BIRC6: variants seen among roughly 807,000 people sequenced by gnomAD.
The protein encoded by BIRC6 is baculoviral IAP repeat containing 6.
A neutral mutation model predicts 503.3 loss-of-function variants in BIRC6; 98 were observed. The observed-to-expected ratio is 0.19, with a 90% CI of 0.17 to 0.23. BIRC6 has a LOEUF of 0.23. Ranked by LOEUF, BIRC6 falls within the 10% of genes least tolerant of loss-of-function variation. The pLI is 1.00. For synonymous variants in BIRC6, 2,240 were observed against 2,078.7 expected (o/e 1.08, Z -2.11); for missense variants, 5,360 against 5,806.0 (o/e 0.92, Z 2.50).
chr2:32,593,786 G>T, intron 66 of BIRC6, 129 bp from the exon 67 acceptor site: 2 of 761,832 alleles, frequency 2.6e-6, no homozygotes, highest in East Asian at 2.9e-5. Context: ...GGCTTCAAAA[G>T]CAAGTTAATA....
chr2:32,559,372 G>T (rs1453306849), intron 65 of BIRC6, among the ~76,000 whole-genome samples: 1 of 152,208 alleles, frequency 6.6e-6, no homozygotes, highest in Non-Finnish European at 1.5e-5. Context: ...GCATAACAGC[G>T]TGTTGTGCCT....
chr2:32,499,186 G>A (rs1460841386), intron 45 of BIRC6, among the ~76,000 whole-genome samples: 2 of 152,148 alleles, frequency 1.3e-5, no homozygotes, highest in Non-Finnish European at 1.5e-5. Flanking sequence ...TTACAATAGC[G>A]TTATTTGAGA....
intron 22 of BIRC6, among the ~76,000 whole-genome samples, chr2:32,449,747 TCCA>T (rs974248723): frequency 5.1e-4 from 77 of 152,340 alleles, no homozygotes; most frequent in African/African-American, 1.8e-3. Flanking sequence ...CCCCAACCTT[TCCA>T]CCCTCTTAGG....
chr2:32,522,329 A>AAC (rs1196952357), intron 57 of BIRC6: 2 of 151,854 alleles, frequency 1.3e-5, no homozygotes, highest in Non-Finnish European at 2.9e-5. Context: ...TTTGTATTCT[A>AAC]ATATATATAT....
chr2:32,546,587 A>G (rs1355034730), intron 63 of BIRC6, among the ~76,000 whole-genome samples: 1 of 147,594 alleles, frequency 6.8e-6, no homozygotes, highest in Non-Finnish European at 1.5e-5. Flanking sequence ...TCTCAAAAAG[A>G]AAAAAAAAAA....
chr2:32,465,093 C>A lies in BIRC6; in HGVS notation c.5285C>A (p.Ala1762Glu), dbSNP rs368963586. 2.5e-6 allele frequency: 4 copies of A among 1,605,822 alleles called. No homozygotes were observed. In the African/African-American group the frequency reaches 5.4e-5, roughly 22 times the overall value. Reference sequence around the variant, plus strand: ...CCACTTGGTTCTGGTCTAGCCCTTGCAATTTCTCATGCTTCACATTTTCTT... The same window carrying A: ...CCACTTGGTTCTGGTCTAGCCCTTGAAATTTCTCATGCTTCACATTTTCTT... Reference protein sequence around the residue: ...MNPLGSGLALAISHASHFLQP... With the variant: ...MNPLGSGLALEISHASHFLQP... Residue 1762 changes from alanine to glutamate, a missense_variant, in exon 26 of 74, where the codon GCA becomes GAA. This residue lies in a region of BIRC6 where 2,299 missense variants were observed against 2,267.2 expected (regional missense o/e 1.01). Transcript: ENST00000421745.
intron 22 of BIRC6, among the ~76,000 whole-genome samples, 175 bp from the exon 23 acceptor site, chr2:32,453,633 C>A: frequency 6.6e-6 from 1 of 152,258 alleles, no homozygotes; most frequent in South Asian, 2.1e-4. Flanking sequence ...CAGGGAAACT[C>A]GTGCCTGCTG....
At chr2:32,375,472 T>TCTCTAA (rs2036606108) in intron 1 of BIRC6, among the ~76,000 whole-genome samples, 1 of 151,680 alleles carries the variant, frequency 6.6e-6, no homozygotes, top group Non-Finnish European at 1.5e-5. Context: ...CGAGACCCTG[T>TCTCTAA]CTCTAAAAAA....
chr2:32,577,944 G>A (rs995008404), intron 66 of BIRC6, among the ~76,000 whole-genome samples: 1 of 152,062 alleles, frequency 6.6e-6, no homozygotes, highest in Non-Finnish European at 1.5e-5. Flanking sequence ...ATGAGTGTTC[G>A]TAAAGCTCAT....
At chr2:32,575,118 A>G (rs2060177103) in intron 65 of BIRC6, 38 bp from the exon 66 acceptor site, 2 of 1,598,018 alleles carry the variant, frequency 1.3e-6, no homozygotes, top group African/African-American at 1.3e-5. Context: ...TATATTGTAC[A>G]TTTGCTCATT....
intron 1 of BIRC6, among the ~76,000 whole-genome samples, chr2:32,374,768 G>A (rs942343129): frequency 2.6e-5 from 4 of 152,066 alleles, no homozygotes; most frequent in Non-Finnish European, 4.4e-5. Flanking sequence ...CACCGCGCCC[G>A]GCAATTTTTT....
At chr2:32,554,849 C>A (rs2058668221) in intron 65 of BIRC6, among the ~76,000 whole-genome samples, 3 of 151,740 alleles carry the variant, frequency 2.0e-5, no homozygotes, top group Admixed American at 6.6e-5. Context: ...GTTGTCACGA[C>A]AAATATCTTA....
At chr2:32,425,678 T>C (rs1347067951) in intron 10 of BIRC6, among the ~76,000 whole-genome samples, 1 of 152,210 alleles carries the variant, frequency 6.6e-6, no homozygotes, top group Admixed American at 6.5e-5. Flanking sequence ...AAAAGAGTTC[T>C]ATCTCTTTAA....
At chr2:32,489,718 A>G (rs2051458901) in intron 42 of BIRC6, among the ~76,000 whole-genome samples, 2 of 152,098 alleles carry the variant, frequency 1.3e-5, no homozygotes, top group Admixed American at 1.3e-4. Flanking sequence ...TTCAGTTGCC[A>G]GTTTTGTAGA....
intron 65 of BIRC6, among the ~76,000 whole-genome samples, chr2:32,553,217 A>G: frequency 2.9e-5 from 4 of 137,930 alleles, no homozygotes; most frequent in Non-Finnish European, 4.8e-5. Context: ...AAAAAAAAAA[A>G]AAAAAAAAAA....
chr2:32,580,187 C>A (rs2060576824), intron 66 of BIRC6, among the ~76,000 whole-genome samples: 1 of 152,114 alleles, frequency 6.6e-6, no homozygotes, highest in African/African-American at 2.4e-5. Flanking sequence ...CTCCTGACCT[C>A]AGGTAATCCG....
In BIRC6 at chr2:32,549,349, G is replaced by A; in HGVS notation, c.13012G>A (p.Val4338Ile). 4 of 1,479,258 alleles carry A rather than the reference G, an allele frequency of 2.7e-6. No individual in the cohort carries two copies. Among genetic ancestry groups the A allele is most frequent in the Admixed American group, 3.6e-5 (2 of 55,952 alleles). 91.6% of individuals were successfully genotyped at this position (1,479,258 alleles called of 1,614,324 possible). A position where few individuals can be genotyped will look rare whatever the true frequency, so the allele number is the denominator to read the frequency against. ...TTACATAAATCCCGTCAGTAGTGCGGTAAATGGAGAAGCTCAGTCATCTCA... is the reference window on the plus strand; with the variant it reads ...TTACATAAATCCCGTCAGTAGTGCGATAAATGGAGAAGCTCAGTCATCTCA... ...ASYINPVSSA[V>I]NGEAQSSHET... Residue 4338 changes from valine (V) to isoleucine (I), a missense_variant, in exon 65 of 74, where the codon GTA becomes ATA. Physicochemically the swap from Val to Ile is conservative, Grantham distance 29. Transcript: ENST00000421745.
At chr2:32,448,406 C>CG (rs969879381) in intron 21 of BIRC6, among the ~76,000 whole-genome samples, 2 of 149,712 alleles carry the variant, frequency 1.3e-5, no homozygotes, top group African/African-American at 4.9e-5. Context: ...CCCGGCACCT[C>CG]GGGAGGCCGA....
intron 4 of BIRC6, among the ~76,000 whole-genome samples, chr2:32,389,508 T>G (rs2038934808): frequency 6.6e-6 from 1 of 152,094 alleles, no homozygotes; most frequent in African/African-American, 2.4e-5. Context: ...TTGGTAGAGG[T>G]TTTTTTGAAT....
Sources: allele counts gnomAD v4.1 joint callset (sites outside exome capture counted in the v4.1 genomes callset), GRCh38; gene constraint gnomAD v4.1.1; regional missense constraint gnomAD v4.1.1; transcripts MANE v1.5; gene names NCBI Gene and HGNC (gene_info 2026-07-23, HGNC 2026-07-21).